CSMD3: variants seen among roughly 807,000 people sequenced by gnomAD.
CSMD3 encodes the protein CUB and sushi domain-containing protein 3.
A neutral mutation model predicts 435.2 loss-of-function variants in CSMD3; 177 were observed. The ratio of observed to expected loss-of-function variants is 0.41; its 90% CI spans 0.36 to 0.46. The LOEUF (loss-of-function observed/expected upper bound fraction) is 0.46. Ranked by LOEUF, CSMD3 falls within the 20% of genes least tolerant of loss-of-function variation. CSMD3 has a pLI of 0.34. For missense variants in CSMD3, 4,265 were observed against 4,504.6 expected (o/e 0.95, Z 1.52); for synonymous variants, 1,656 against 1,520.5 (o/e 1.09, Z -2.07).
intron 1 of CSMD3, among the ~76,000 whole-genome samples, chr8:113,402,192 T>C (rs2094513366): frequency 6.6e-6 from 1 of 150,766 alleles, no homozygotes; most frequent in South Asian, 2.1e-4. Context: ...ATTTTTTATC[T>C]TTTATCTTAA....
chr8:112,783,492 G>GAGGGAGGGAGGGAGGA (rs1470686693), intron 13 of CSMD3, among the ~76,000 whole-genome samples: 3 of 107,048 alleles, frequency 2.8e-5, no homozygotes, highest in Admixed American at 9.5e-5. Context: ...GGAGAGAAGG[G>GAGGGAGGGAGGGAGGA]AGGGAGGGAG....
intron 27 of CSMD3, among the ~76,000 whole-genome samples, chr8:112,550,397 T>A (rs1468743664): frequency 6.7e-6 from 1 of 148,706 alleles, no homozygotes; most frequent in Non-Finnish European, 1.5e-5. Flanking sequence ...GTGATGTAAT[T>A]TTTTTTTTAG....
chr8:112,312,875 G>C (rs2130824299), intron 49 of CSMD3, among the ~76,000 whole-genome samples: 1 of 152,218 alleles, frequency 6.6e-6, no homozygotes, highest in Admixed American at 6.5e-5. Context: ...CGGAATCATA[G>C]TGTCAGAGTT....
At chr8:112,442,547 A>G (rs976878427) in intron 32 of CSMD3, among the ~76,000 whole-genome samples, 3 of 152,090 alleles carry the variant, frequency 2.0e-5, no homozygotes, top group Admixed American at 1.3e-4. Context: ...TTTTTCTTTT[A>G]CTTTTACTTC....
intron 32 of CSMD3, among the ~76,000 whole-genome samples, chr8:112,417,475 C>A (rs1812035095): frequency 6.6e-6 from 1 of 152,092 alleles, no homozygotes; most frequent in Non-Finnish European, 1.5e-5. Flanking sequence ...TATATATGTT[C>A]CTAATTCAGT....
At chr8:112,332,748 G>A (rs564134513) in intron 45 of CSMD3, among the ~76,000 whole-genome samples, 6 of 152,202 alleles carry the variant, frequency 3.9e-5, no homozygotes, top group Admixed American at 6.5e-5. Context: ...AAAATCTAAT[G>A]AATAAATGTC....
chr8:112,525,852 TTATA>T (rs1275565013), intron 27 of CSMD3, among the ~76,000 whole-genome samples: 2 of 139,184 alleles, frequency 1.4e-5, no homozygotes, highest in African/African-American at 5.2e-5. Flanking sequence ...TACAGGGTCT[TTATA>T]TATATAGTTT....
intron 60 of CSMD3, 47 bp downstream of exon 60, chr8:112,265,364 T>G (rs963407071): frequency 2.1e-6 from 3 of 1,402,944 alleles, no homozygotes; most frequent in Non-Finnish European, 3.0e-6. Flanking sequence ...AATAAGAAAA[T>G]ATGTACTGGT....
intron 3 of CSMD3, among the ~76,000 whole-genome samples, chr8:113,275,382 A>G (rs1371872797): frequency 6.6e-6 from 1 of 152,078 alleles, no homozygotes; most frequent in Non-Finnish European, 1.5e-5. Flanking sequence ...CTCAGTAGGC[A>G]TAAGAATCAG....
In CSMD3 at chr8:112,413,861, C is replaced by A. The variant is rs145886834; in HGVS notation, c.5396-4829G>T. Among the ~76,000 whole-genome samples the A allele has an allele frequency of 3.3e-5, 5 of 152,248 alleles. No homozygotes were observed. The East Asian group carries it at 9.7e-4, about 29-fold the overall frequency. On this transcript the variant is annotated intron_variant, in intron 32 of 70. Transcript: ENST00000297405. ...CTGACTATTTTACTTCTGTGTCTGTCTTTGCATTGTCCAACTTTAACAAGA... is the reference window on the plus strand; with the variant it reads ...CTGACTATTTTACTTCTGTGTCTGTATTTGCATTGTCCAACTTTAACAAGA...
chr8:113,012,400 A>G lies in CSMD3; in HGVS notation c.1030+6667T>C, dbSNP rs2086287982. ...AGTAATCTACTCATCTATGTCTAAT[A>G]TGGTTTGGCTCTGTGTCCCCACTCA... On this transcript the variant is annotated intron_variant, in intron 6 of 70. Transcript: ENST00000297405. 2.0e-5 allele frequency among the ~76,000 whole-genome samples: 3 copies of G among 152,024 alleles called. No homozygotes were observed. In the Middle Eastern group the frequency reaches 0.01, roughly 517 times the overall value.
chr8:112,930,100 G>A lies in CSMD3; in HGVS notation c.1509-8349C>T, dbSNP rs189565409. Among the ~76,000 whole-genome samples, 3 of 152,126 alleles carry A rather than the reference G, an allele frequency of 2.0e-5. No homozygotes were observed. In the East Asian group the frequency reaches 5.8e-4, roughly 29 times the overall value. The stretch of plus-strand genomic sequence containing the variant: ...AATTTAATGCTATATTGTTTAGGTT[G>A]GTAAGCTTCCTAATGATTTCCACAA... On this transcript the variant is annotated intron_variant, in intron 9 of 70. Transcript: ENST00000297405.
Position 112,800,163 on chromosome 8 carries a change from T to C in CSMD3, c.1971A>G (p.Lys657=), listed in dbSNP as rs766880183. The change falls in exon 13 of 71, where the codon AAA becomes AAG. Residue 657 remains lysine, a splice_region_variant and synonymous_variant. Coordinates refer to ENST00000297405, the MANE Select transcript of CSMD3 (RefSeq NM_198123.2). ...VGSVGFKVNY[K]EIEKESCGDP... is the part of the protein sequence containing the mutation. Reference sequence around the variant, plus strand: ...TCCTATGTAGAAATTAATCATTACCTTTGTAGTTAACCTTGAAACCAACAG... The same window carrying C: ...TCCTATGTAGAAATTAATCATTACCCTTGTAGTTAACCTTGAAACCAACAG... 1 of 1,589,246 alleles carries C rather than the reference T, an allele frequency of 6.3e-7. No homozygotes were observed. The highest frequency in any genetic ancestry group is 1.7e-5 in the Admixed American group (1 of 59,920).
At chr8:112,296,413 T>C (rs1820278100) in intron 53 of CSMD3, among the ~76,000 whole-genome samples, 1 of 151,768 alleles carries the variant, frequency 6.6e-6, no homozygotes, top group African/African-American at 2.4e-5. Flanking sequence ...TAGCCAGGCA[T>C]GGTGGCAGGC....
At chr8:112,371,314 A>G (rs999134549) in intron 38 of CSMD3, among the ~76,000 whole-genome samples, 3 of 152,110 alleles carry the variant, frequency 2.0e-5, no homozygotes, top group African/African-American at 7.2e-5. Flanking sequence ...CAATTCCCAT[A>G]CAGAATACGA....
chr8:112,554,890 T>C (rs1827982736), intron 25 of CSMD3, among the ~76,000 whole-genome samples: 1 of 152,016 alleles, frequency 6.6e-6, no homozygotes, highest in Non-Finnish European at 1.5e-5. Flanking sequence ...TGACTGAGGC[T>C]AAAACATAGC....
Position 113,165,894 on chromosome 8 carries a change from T to C in CSMD3, c.709+7828A>G, listed in dbSNP as rs923306117. ...AAATGGGGAACATAATGTAAGTCAA[T>C]GTTAAATATATGGCTGACTGTTGCC... On this transcript the variant is annotated intron_variant, in intron 4 of 70. Coordinates refer to ENST00000297405, the MANE Select transcript of CSMD3 (RefSeq NM_198123.2). Among the ~76,000 whole-genome samples the C allele has an allele frequency of 7.9e-5, 12 of 152,116 alleles. No homozygotes were observed. In the East Asian group the frequency reaches 2.1e-3, roughly 27 times the overall value.
intron 5 of CSMD3, among the ~76,000 whole-genome samples, chr8:113,095,241 T>G (rs2090127419): frequency 6.6e-6 from 1 of 152,214 alleles, no homozygotes; most frequent in South Asian, 2.1e-4. Flanking sequence ...TCCATGTTGC[T>G]AAATCCATTT....
chr8:112,610,316 C>A (rs1171515609), intron 22 of CSMD3, among the ~76,000 whole-genome samples: 1 of 150,062 alleles, frequency 6.7e-6, no homozygotes, highest in Non-Finnish European at 1.5e-5. Flanking sequence ...GTCAATTATA[C>A]CTCAGTAAAG....
Sources: allele counts gnomAD v4.1 joint callset (sites outside exome capture counted in the v4.1 genomes callset), GRCh38; gene constraint gnomAD v4.1.1; transcripts MANE v1.5; gene names NCBI Gene and HGNC (gene_info 2026-07-23, HGNC 2026-07-21).